MSRA: variants seen among roughly 807,000 people sequenced by gnomAD.
MSRA encodes the protein mitochondrial peptide methionine sulfoxide reductase.
MSRA carries 54 observed loss-of-function variants against 31.3 expected under a neutral mutation model. The observed-to-expected ratio is 1.73, with a 90% CI of 1.39 to 2.17. The LOEUF (loss-of-function observed/expected upper bound fraction) is 2.17. Ranked by LOEUF, MSRA falls within the 30% of genes most tolerant of loss-of-function variation. MSRA has a pLI of 0.00. For synonymous variants in MSRA, 169 were observed against 116.5 expected (o/e 1.45, Z -2.90); for missense variants, 507 against 300.9 (o/e 1.69, Z -5.07).
At chr8:10,169,354 A>G (rs958354989) in intron 1 of MSRA, among the ~76,000 whole-genome samples, 3 of 152,232 alleles carry the variant, frequency 2.0e-5, no homozygotes, top group African/African-American at 7.2e-5. Context: ...CAGCTGTGTG[A>G]GTATGTGCTC....
intron 2 of MSRA, among the ~76,000 whole-genome samples, chr8:10,239,430 G>A (rs557236235): frequency 1.3e-5 from 2 of 152,292 alleles, no homozygotes; most frequent in East Asian, 3.9e-4. Flanking sequence ...AAAGTGCCGG[G>A]ATTACAGGCA....
At chr8:10,204,017 A>G in intron 1 of MSRA, among the ~76,000 whole-genome samples, 1 of 152,278 alleles carries the variant, frequency 6.6e-6, no homozygotes, top group Middle Eastern at 3.4e-3. Flanking sequence ...AAAGTAAAAA[A>G]TGAAAATTTT....
intron 5 of MSRA, among the ~76,000 whole-genome samples, chr8:10,380,491 A>G (rs1563414177): frequency 6.6e-6 from 1 of 152,224 alleles, no homozygotes; most frequent in Non-Finnish European, 1.5e-5. Flanking sequence ...CTTATGAGAA[A>G]TGCTGATGGT....
chr8:10,120,900 T>C (rs1801061633), intron 1 of MSRA, among the ~76,000 whole-genome samples: 1 of 152,224 alleles, frequency 6.6e-6, no homozygotes, highest in Non-Finnish European at 1.5e-5. Context: ...GAGTCTCCTG[T>C]GTGTGTTCCC....
At chr8:10,267,268 C>G (rs1452726761) in intron 3 of MSRA, among the ~76,000 whole-genome samples, 2 of 152,202 alleles carry the variant, frequency 1.3e-5, no homozygotes, top group African/African-American at 4.8e-5. Context: ...AGCACGGGCT[C>G]TGCCGTTCAT....
intron 5 of MSRA, among the ~76,000 whole-genome samples, chr8:10,414,000 AC>A (rs1381983040): frequency 6.6e-6 from 1 of 152,132 alleles, no homozygotes. Flanking sequence ...CCCCATCTCT[AC>A]AAAAAATAAA....
chr8:10,085,858 G>C (rs965482891), intron 1 of MSRA, among the ~76,000 whole-genome samples: 2 of 152,216 alleles, frequency 1.3e-5, no homozygotes, highest in Non-Finnish European at 2.9e-5. Context: ...AGTCTTCTCT[G>C]TATGGGCTTT....
At chr8:10,380,637 A>G (rs1408444751) in intron 5 of MSRA, among the ~76,000 whole-genome samples, 2 of 152,038 alleles carry the variant, frequency 1.3e-5, no homozygotes, top group African/African-American at 2.4e-5. Flanking sequence ...CCATTTTTTC[A>G]TCTTTATGTC....
intron 5 of MSRA, among the ~76,000 whole-genome samples, chr8:10,382,844 T>C (rs1453233931): frequency 3.3e-5 from 5 of 152,192 alleles, no homozygotes; most frequent in Non-Finnish European, 1.5e-5. Flanking sequence ...TCACCCAGTC[T>C]CTGCCCCTGA....
At chr8:10,080,789 T>C (rs1015978140) in intron 1 of MSRA, among the ~76,000 whole-genome samples, 1 of 151,804 alleles carries the variant, frequency 6.6e-6, no homozygotes, top group African/African-American at 2.4e-5. Flanking sequence ...TCCTCCTGCC[T>C]CGGCCTCCCA....
intron 2 of MSRA, among the ~76,000 whole-genome samples, chr8:10,216,575 A>G (rs1400771320): frequency 6.6e-6 from 1 of 152,168 alleles, no homozygotes; most frequent in Non-Finnish European, 1.5e-5. Context: ...AACACCGTCT[A>G]GTCCTCCTTC....
chr8:10,237,351 G>A (rs1412471525), intron 2 of MSRA, among the ~76,000 whole-genome samples: 1 of 152,234 alleles, frequency 6.6e-6, no homozygotes, highest in East Asian at 1.9e-4. Flanking sequence ...GGGCTTCCAG[G>A]TGGTTTTAAA....
intron 1 of MSRA, among the ~76,000 whole-genome samples, chr8:10,063,799 A>G (rs1797327089): frequency 1.3e-5 from 2 of 152,226 alleles, no homozygotes; most frequent in African/African-American, 4.8e-5. Flanking sequence ...ATTGTGAGAA[A>G]GAAGCTCCTA....
chr8:10,311,066 A>G (rs17151699), intron 4 of MSRA, among the ~76,000 whole-genome samples: 20,971 of 152,200 alleles, frequency 0.14, 1,687 homozygotes, highest in African/African-American at 0.21. Flanking sequence ...TGAAGTCAGA[A>G]GAATTACTAG....
At chr8:10,120,158 G>T (rs189180609) in intron 1 of MSRA, among the ~76,000 whole-genome samples, 17 of 152,252 alleles carry the variant, frequency 1.1e-4, no homozygotes, top group African/African-American at 4.1e-4. Context: ...ATTGATACAG[G>T]TCGTGCAACA....
chr8:10,079,167 T>C (rs1016428271), intron 1 of MSRA, among the ~76,000 whole-genome samples: 1 of 151,942 alleles, frequency 6.6e-6, no homozygotes, highest in African/African-American at 2.4e-5. Context: ...GGTACTTTTT[T>C]CTTTTTTTTT....
intron 5 of MSRA, among the ~76,000 whole-genome samples, chr8:10,424,536 A>T (rs1475777190): frequency 6.8e-6 from 1 of 146,268 alleles, no homozygotes; most frequent in African/African-American, 2.6e-5. Context: ...GTGGAGTGGG[A>T]TGGGGAGAAG....
intron 3 of MSRA, among the ~76,000 whole-genome samples, chr8:10,254,779 T>A (rs1798091351): frequency 6.6e-6 from 1 of 152,250 alleles, no homozygotes; most frequent in Non-Finnish European, 1.5e-5. Flanking sequence ...CATTTTCACA[T>A]GTCTTTCGTG....
chr8:10,091,594 G>A (rs1421915303), intron 1 of MSRA, among the ~76,000 whole-genome samples: 3 of 151,610 alleles, frequency 2.0e-5, no homozygotes, highest in Non-Finnish European at 4.4e-5. Context: ...TGAGATTGCT[G>A]GATCATATGG....
Sources: gnomAD v4.1 joint callset for allele counts (sites outside exome capture counted in the v4.1 genomes callset) on GRCh38, gnomAD v4.1.1 for gene constraint, MANE v1.5 for transcripts, NCBI Gene and HGNC (gene_info 2026-07-23, HGNC 2026-07-21) for gene names.